The following NEXMIF variants were observed in gnomAD, a reference collection of about 807,000 sequenced individuals.
The protein encoded by NEXMIF is XLMR protein related to neurite extension.
In NEXMIF, 8 loss-of-function variants were observed where a neutral mutation model predicts 62.1. The observed-to-expected ratio is 0.13, with a 90% CI of 0.08 to 0.23. The LOEUF is 0.23. NEXMIF is among the 10% of genes least tolerant of loss of function. The probability of loss-of-function intolerance (pLI) is 1.00; values close to 1 mark genes in which losing one functional copy is unlikely to be tolerated. For synonymous variants in NEXMIF, 404 were observed against 416.6 expected, an observed-to-expected ratio of 0.97 and a Z score of 0.37; for missense variants, 976 against 1,113.3, an observed-to-expected ratio of 0.88 and a Z score of 1.75.
intron 1 of NEXMIF, among the ~76,000 whole-genome samples, chrX:74,921,396 C>G (rs780243726): frequency 8.9e-6 from 1 of 111,869 alleles, no homozygotes; most frequent in Admixed American, 9.5e-5. Context: ...CAAACAGAGC[C>G]ACTTGTTGTT....
At chrX:74,794,197 C>T (rs1014904438) in intron 1 of NEXMIF, among the ~76,000 whole-genome samples, 7 of 110,893 alleles carry the variant, frequency 6.3e-5, no homozygotes, top group African/African-American at 2.3e-4. Context: ...TTCTAACAGA[C>T]AGTACCCTCA....
At chrX:74,894,589 C>A (rs774121872) in intron 1 of NEXMIF, among the ~76,000 whole-genome samples, 2 of 111,834 alleles carry the variant, frequency 1.8e-5, no homozygotes, top group African/African-American at 6.5e-5. Context: ...AAATCCTCAA[C>A]AAAATACTAG....
chrX:74,795,435 CA>C, intron 1 of NEXMIF, among the ~76,000 whole-genome samples: 1 of 111,872 alleles, frequency 8.9e-6, no homozygotes, highest in Admixed American at 9.5e-5. Context: ...AAGCCATACC[CA>C]AAGACTACAT....
At chrX:74,843,413 CTTT>C (rs376924450) in intron 1 of NEXMIF, among the ~76,000 whole-genome samples, 1 of 101,134 alleles carries the variant, frequency 9.9e-6, no homozygotes, top group Non-Finnish European at 2.0e-5. Context: ...TTGGGTCTTG[CTTT>C]TTTTTTTTGT....
chrX:74,894,129 T>A (rs1366669434), intron 1 of NEXMIF, among the ~76,000 whole-genome samples: 1 of 98,540 alleles, frequency 1.0e-5, no homozygotes, highest in African/African-American at 3.7e-5. Context: ...CCTTCTCTAC[T>A]AAAAGTACAA....
At chrX:74,766,625 C>T (rs773010515) in intron 1 of NEXMIF, among the ~76,000 whole-genome samples, 1 of 111,805 alleles carries the variant, frequency 8.9e-6, no homozygotes, top group Non-Finnish European at 1.9e-5. Context: ...CTGTCAGCTC[C>T]TGTATCATTT....
chrX:74,818,668 C>G (rs962704372), intron 1 of NEXMIF, among the ~76,000 whole-genome samples: 1 of 111,947 alleles, frequency 8.9e-6, no homozygotes, highest in Admixed American at 9.5e-5. Flanking sequence ...ACAAAGTAAA[C>G]AGACAACTCA....
intron 1 of NEXMIF, among the ~76,000 whole-genome samples, chrX:74,847,144 C>T (rs1165673311): frequency 8.9e-6 from 1 of 111,925 alleles, no homozygotes; most frequent in Non-Finnish European, 1.9e-5. Context: ...ACATATTTGG[C>T]TTTGCAATTT....
At chrX:74,761,050 T>C (rs2147449802) in intron 1 of NEXMIF, among the ~76,000 whole-genome samples, 1 of 109,309 alleles carries the variant, frequency 9.1e-6, no homozygotes, top group South Asian at 4.0e-4. Context: ...TTTGTATTTT[T>C]AGTAGAGATG....
chrX:74,922,761 T>TAA (rs1309697003), intron 1 of NEXMIF, among the ~76,000 whole-genome samples: 1 of 111,666 alleles, frequency 9.0e-6, no homozygotes, highest in Admixed American at 9.5e-5. Flanking sequence ...ATTTTACACT[T>TAA]ACGATTTACA....
At chrX:74,788,883 C>T (rs1329205156) in intron 1 of NEXMIF, among the ~76,000 whole-genome samples, 5 of 111,267 alleles carry the variant, frequency 4.5e-5, no homozygotes, top group Non-Finnish European at 9.4e-5. Context: ...GCAAGTACCC[C>T]GCCATCTAAT....
In NEXMIF at chrX:74,796,201, C is replaced by CT. The variant is rs1375619170; in HGVS notation, c.-47-50505_-47-50504insA. Among the ~76,000 whole-genome samples the CT allele has an allele frequency of 3.3e-3, 54 of 16,562 alleles. 2 individuals carry two copies. Among genetic ancestry groups the CT allele is most frequent in the South Asian group, 0.015 (10 of 650 alleles). The allele number at this position is 16,562 out of a possible 115,157, so 14.4% of individuals were successfully genotyped here. ...TATATACATATATATTATATATATA[C>CT]ATATATATTATATATATATACATAT... On this transcript the variant is annotated intron_variant, in intron 1 of 3. Transcript: ENST00000055682.
At chrX:74,869,984 G>T (rs2080594533) in intron 1 of NEXMIF, among the ~76,000 whole-genome samples, 1 of 111,125 alleles carries the variant, frequency 9.0e-6, no homozygotes, top group Non-Finnish European at 1.9e-5. Flanking sequence ...AGTTTATCTG[G>T]AACCAAAACA....
intron 1 of NEXMIF, among the ~76,000 whole-genome samples, chrX:74,836,624 G>C (rs1459404471): frequency 9.0e-6 from 1 of 111,095 alleles, no homozygotes; most frequent in Non-Finnish European, 1.9e-5. Context: ...ACTCTGCCTG[G>C]TACCCTACCC....
chrX:74,887,216 T>A (rs1460411883), intron 1 of NEXMIF, among the ~76,000 whole-genome samples: 3 of 111,411 alleles, frequency 2.7e-5, no homozygotes, highest in Non-Finnish European at 5.6e-5. Context: ...AACCTAGGCA[T>A]TACCATTCAG....
intron 1 of NEXMIF, among the ~76,000 whole-genome samples, chrX:74,880,480 C>T (rs2080658467): frequency 9.0e-6 from 1 of 111,581 alleles, no homozygotes; most frequent in Admixed American, 9.5e-5. Flanking sequence ...CTCAGAGCCC[C>T]ACCCCTACAT....
At chrX:74,796,209 T>TTATATATATATATATATAATA (rs1393909984) in intron 1 of NEXMIF, among the ~76,000 whole-genome samples, 1 of 46,615 alleles carries the variant, frequency 2.1e-5, no homozygotes, top group Non-Finnish European at 3.9e-5. Context: ...TACATATATA[T>TTATATATATATATATATAATA]TATATATATA....
intron 1 of NEXMIF, among the ~76,000 whole-genome samples, chrX:74,779,957 T>C (rs925399749): frequency 6.3e-5 from 7 of 111,487 alleles, no homozygotes; most frequent in African/African-American, 2.3e-4. Context: ...CACAGATTTA[T>C]ATAGTTTATA....
intron 1 of NEXMIF, among the ~76,000 whole-genome samples, chrX:74,787,104 C>CAAAAAAAAAAAAAA (rs766388500): frequency 3.1e-5 from 1 of 31,761 alleles, no homozygotes; most frequent in Non-Finnish European, 6.2e-5. Flanking sequence ...ACCAAAAATA[C>CAAAAAAAAAAAAAA]AAAAAAAAAA....
Sources: allele counts gnomAD v4.1 joint callset (sites outside exome capture counted in the v4.1 genomes callset), GRCh38; gene constraint gnomAD v4.1.1; transcripts MANE v1.5; gene names NCBI Gene and HGNC (gene_info 2026-07-23, HGNC 2026-07-21).